OCIAD1: variants seen among roughly 807,000 people sequenced by gnomAD.
OCIAD1 encodes the protein OCIA domain-containing protein 1.
A neutral mutation model predicts 38.9 loss-of-function variants in OCIAD1; 29 were observed. The observed-to-expected ratio is 0.74, with a 90% CI of 0.55 to 1.02. The LOEUF (loss-of-function observed/expected upper bound fraction) is 1.02, where lower values mean the gene tolerates loss of function less well. Ranked by LOEUF, OCIAD1 falls within the 50% of genes least tolerant of loss-of-function variation. The pLI is 0.00. For synonymous variants in OCIAD1, 110 were observed against 92.0 expected (o/e 1.20, Z -1.12); for missense variants, 288 against 289.6 (o/e 0.99, Z 0.04).
chr4:48,825,822 TTTTC>T (rs889101826), intron 1 of OCIAD1, among the ~76,000 whole-genome samples: 22 of 151,774 alleles, frequency 1.4e-4, no homozygotes, highest in Admixed American at 2.6e-4. Flanking sequence ...CTTACTTTCT[TTTTC>T]TTTCTTTCTT....
intron 8 of OCIAD1, among the ~76,000 whole-genome samples, chr4:48,858,061 G>A (rs1780243581): frequency 1.3e-5 from 2 of 152,098 alleles, no homozygotes; most frequent in Non-Finnish European, 2.9e-5. Flanking sequence ...GGCTGAGGCA[G>A]GAGAACTGCA....
intron 1 of OCIAD1, among the ~76,000 whole-genome samples, chr4:48,811,987 G>A (rs1490044213): frequency 2.0e-5 from 3 of 151,972 alleles, no homozygotes; most frequent in African/African-American, 7.2e-5. Context: ...GTCTATACTA[G>A]AAAACTAAAT....
chr4:48,838,745 A>AT (rs1307146378), intron 3 of OCIAD1, among the ~76,000 whole-genome samples: 2 of 152,172 alleles, frequency 1.3e-5, no homozygotes, highest in African/African-American at 2.4e-5. Context: ...TACTAAGGTA[A>AT]TTTTTTATAC....
At chr4:48,851,621 A>T (rs34882518) in intron 6 of OCIAD1, among the ~76,000 whole-genome samples, 185 bp from the exon 7 acceptor site, 1 of 152,136 alleles carries the variant, frequency 6.6e-6, no homozygotes, top group East Asian at 1.9e-4. Flanking sequence ...GATTGCAATA[A>T]GCCAAGACTG....
rs1268452485 is a variant in OCIAD1, at chr4:48,861,640, C to A, written c.*878C>A. 6.6e-6 allele frequency: 1 copy of A among 152,070 alleles called. No individual in the cohort carries two copies. Among genetic ancestry groups the A allele is most frequent in the African/African-American group, 2.4e-5 (1 of 41,374 alleles). The allele number at this position is 152,070 out of a possible 1,614,324, so 9.4% of individuals were successfully genotyped here. A position where few individuals can be genotyped will look rare whatever the true frequency, so the allele number is the denominator to read the frequency against. On this transcript the variant is annotated 3_prime_UTR_variant, in exon 9 of 9. Transcript: ENST00000264312. ...GTTCTGGGTTGCAGTGAGCTGTGGTCACACCACTGAACTCCAGCCTGTGCG... is the reference window on the plus strand; with the variant it reads ...GTTCTGGGTTGCAGTGAGCTGTGGTAACACCACTGAACTCCAGCCTGTGCG...
At chr4:48,813,336 G>A (rs1436826999) in intron 1 of OCIAD1, among the ~76,000 whole-genome samples, 1 of 152,178 alleles carries the variant, frequency 6.6e-6, no homozygotes, top group Non-Finnish European at 1.5e-5. Flanking sequence ...TGTGGTAAGT[G>A]TTATCCTACA....
At chr4:48,820,562 T>A (rs1432459821) in intron 1 of OCIAD1, among the ~76,000 whole-genome samples, 1 of 152,026 alleles carries the variant, frequency 6.6e-6, no homozygotes, top group Non-Finnish European at 1.5e-5. Flanking sequence ...AGAGCAGAAC[T>A]GAAGGAGATA....
intron 1 of OCIAD1, among the ~76,000 whole-genome samples, chr4:48,807,390 A>G (rs988864394): frequency 1.3e-5 from 2 of 152,036 alleles, no homozygotes; most frequent in African/African-American, 4.8e-5. Context: ...TGGATCTACT[A>G]CTTATTAGCA....
chr4:48,852,944 C>T (rs531320610), intron 7 of OCIAD1, among the ~76,000 whole-genome samples: 28 of 135,112 alleles, frequency 2.1e-4, no homozygotes, highest in African/African-American at 6.3e-4. Flanking sequence ...TGTAGTGGTG[C>T]GATCTCGGCT....
intron 1 of OCIAD1, among the ~76,000 whole-genome samples, chr4:48,825,420 T>TA (rs1777239710): frequency 6.6e-6 from 1 of 152,240 alleles, no homozygotes; most frequent in Admixed American, 6.5e-5. Flanking sequence ...AGCAGCCCCA[T>TA]AGGCCCCTTG....
intron 1 of OCIAD1, among the ~76,000 whole-genome samples, chr4:48,825,931 G>C (rs1413526447): frequency 3.9e-5 from 6 of 151,922 alleles, no homozygotes; most frequent in Admixed American, 1.3e-4. Context: ...TCCACCTCCT[G>C]GGTTCAAGCA....
At chr4:48,852,435 T>C (rs1300011047) in intron 7 of OCIAD1, 1 of 152,758 alleles carries the variant, frequency 6.5e-6, no homozygotes, top group Non-Finnish European at 1.5e-5. Context: ...AAAGAACTGT[T>C]GTCAAGTGAG....
intron 7 of OCIAD1, among the ~76,000 whole-genome samples, chr4:48,853,448 A>G (rs527552207): frequency 6.6e-6 from 1 of 152,204 alleles, no homozygotes; most frequent in Non-Finnish European, 1.5e-5. Context: ...ATAGTGAAAC[A>G]TACCTGACCC....
intron 8 of OCIAD1, 44 bp from the exon 9 acceptor site, chr4:48,860,681 T>G (rs1780524615): frequency 7.4e-7 from 1 of 1,359,568 alleles, no homozygotes; most frequent in African/African-American, 1.4e-5. Context: ...TGTCTTTTAC[T>G]TATTATTGCT....
At chr4:48,848,868 G>A (rs1486225783) in intron 5 of OCIAD1, among the ~76,000 whole-genome samples, 3 of 152,022 alleles carry the variant, frequency 2.0e-5, no homozygotes, top group Non-Finnish European at 1.5e-5. Flanking sequence ...TTTACACATT[G>A]CAATATAGTT....
chr4:48,806,428 C>G (rs1222788803), intron 1 of OCIAD1, among the ~76,000 whole-genome samples: 1 of 150,198 alleles, frequency 6.7e-6, no homozygotes, highest in Non-Finnish European at 1.5e-5. Context: ...TTTTCTTTTT[C>G]TCTTTTCTAC....
intron 1 of OCIAD1, chr4:48,805,414 T>G (rs1376984666): frequency 6.6e-6 from 1 of 152,228 alleles, no homozygotes; most frequent in Non-Finnish European, 1.5e-5. Flanking sequence ...AAATGTATGT[T>G]GTTTTGAGCT....
At chr4:48,843,680 A>G (rs1035410772) in intron 4 of OCIAD1, among the ~76,000 whole-genome samples, 1 of 152,194 alleles carries the variant, frequency 6.6e-6, no homozygotes, top group African/African-American at 2.4e-5. Flanking sequence ...AAGCTGTTTT[A>G]TAGACTGAGA....
intron 1 of OCIAD1, among the ~76,000 whole-genome samples, chr4:48,810,107 C>A (rs932311245): frequency 6.6e-6 from 1 of 151,910 alleles, no homozygotes; most frequent in Non-Finnish European, 1.5e-5. Context: ...CTGGTGCTTG[C>A]GAAATATTAG....
Sources: gnomAD v4.1 joint callset for allele counts (sites outside exome capture counted in the v4.1 genomes callset) on GRCh38, gnomAD v4.1.1 for gene constraint, MANE v1.5 for transcripts, NCBI Gene and HGNC (gene_info 2026-07-23, HGNC 2026-07-21) for gene names.